ATF7IP: variants seen among roughly 807,000 people sequenced by gnomAD.
ATF7IP encodes activating transcription factor 7 interacting protein.
A neutral mutation model predicts 106.4 loss-of-function variants in ATF7IP; 23 were observed. The ratio of observed to expected loss-of-function variants is 0.22; its 90% CI spans 0.16 to 0.31. The LOEUF (loss-of-function observed/expected upper bound fraction) is 0.31. Ranked by LOEUF, ATF7IP falls within the 10% of genes least tolerant of loss-of-function variation. The pLI is 1.00. For missense variants in ATF7IP, 1,334 were observed against 1,524.3 expected, an observed-to-expected ratio of 0.88 and a Z score of 2.08; for synonymous variants, 542 against 539.0, an observed-to-expected ratio of 1.01 and a Z score of -0.08.
chr12:14,427,752 A>G (rs370008999), intron 2 of ATF7IP, among the ~76,000 whole-genome samples: 4 of 152,152 alleles, frequency 2.6e-5, no homozygotes, highest in African/African-American at 9.6e-5. Flanking sequence ...CACACCCCAT[A>G]ATTAGTCCAT....
At chr12:14,429,453 G>C (rs1942019925) in intron 2 of ATF7IP, among the ~76,000 whole-genome samples, 1 of 151,980 alleles carries the variant, frequency 6.6e-6, no homozygotes. Context: ...ATCTGTTTTA[G>C]AGTGAACTAG....
chr12:14,453,373 A>G (rs998942174), intron 6 of ATF7IP, among the ~76,000 whole-genome samples: 1 of 151,054 alleles, frequency 6.6e-6, no homozygotes, highest in African/African-American at 2.4e-5. Flanking sequence ...GCTTTTTTTC[A>G]TTCTCTTTTT....
In ATF7IP at chr12:14,468,896, AGTT is replaced by A. The variant is rs945077216; in HGVS notation, c.2862+2310_2862+2312del. 9.5e-4 allele frequency among the ~76,000 whole-genome samples: 144 copies of A among 152,310 alleles called. 1 individual carries two copies. The highest frequency in any genetic ancestry group is 8.6e-3 in the Admixed American group (132 of 15,298). ...ATTAATGTTACACTATTGACTAAGAAGTTGTTATCTTTTTACCCTAATGTGCAC... is the reference window on the plus strand; with the variant it reads ...ATTAATGTTACACTATTGACTAAGAAGTTATCTTTTTACCCTAATGTGCAC... On this transcript the variant is annotated intron_variant, in intron 10 of 14. Coordinates refer to ENST00000261168, the MANE Select transcript of ATF7IP (RefSeq NM_018179.5).
At chr12:14,434,246 T>G (rs151331582) in intron 2 of ATF7IP, 91 bp from the exon 3 acceptor site, 2 of 822,540 alleles carry the variant, frequency 2.4e-6, no homozygotes, top group African/African-American at 1.7e-5. Flanking sequence ...AAAGGTTGGT[T>G]TTGTAACTGG....
intron 8 of ATF7IP, 67 bp downstream of exon 8, chr12:14,457,362 A>C: frequency 8.4e-7 from 1 of 1,195,992 alleles, no homozygotes. Flanking sequence ...CTCTTTTCTT[A>C]CATTCTTTTG....
In ATF7IP at chr12:14,431,615, C is replaced by T. The variant is rs566474204; in HGVS notation, c.1559-2722C>T. On this transcript the variant is annotated intron_variant, in intron 2 of 14. Coordinates refer to ENST00000261168, the MANE Select transcript of ATF7IP (RefSeq NM_018179.5). Reference sequence around the variant, plus strand: ...TTCACCATGTTAGCCAGGATGGTCTCGATCTCCTGACCTTGTGATCCGCCC... The same window carrying T: ...TTCACCATGTTAGCCAGGATGGTCTTGATCTCCTGACCTTGTGATCCGCCC... 4.6e-5 allele frequency among the ~76,000 whole-genome samples: 7 copies of T among 151,890 alleles called. No homozygotes were observed. The East Asian group carries it at 7.7e-4, about 17-fold the overall frequency.
intron 1 of ATF7IP, among the ~76,000 whole-genome samples, chr12:14,383,420 T>C (rs1939079894): frequency 6.6e-6 from 1 of 152,210 alleles, no homozygotes; most frequent in Non-Finnish European, 1.5e-5. Context: ...AAGAAAGTGT[T>C]CATTAGGCAG....
At chr12:14,468,995 A>T (rs79159302) in intron 10 of ATF7IP, among the ~76,000 whole-genome samples, 2,359 of 152,278 alleles carry the variant, frequency 0.015, 24 homozygotes, top group Non-Finnish European at 0.019. Flanking sequence ...TTTTAAGTAC[A>T]ATTGGCTAAC....
intron 2 of ATF7IP, among the ~76,000 whole-genome samples, chr12:14,431,198 A>G (rs147383281): frequency 2.4e-4 from 37 of 152,240 alleles, no homozygotes; most frequent in African/African-American, 8.4e-4. Context: ...CTATTTCTCA[A>G]AGTGTTTGGG....
intron 10 of ATF7IP, 91 bp from the exon 11 acceptor site, chr12:14,475,799 T>A: frequency 1.1e-6 from 1 of 931,564 alleles, no homozygotes; most frequent in Non-Finnish European, 1.6e-6. Flanking sequence ...GGTTACTCAT[T>A]AGTCTCATTT....
intron 1 of ATF7IP, among the ~76,000 whole-genome samples, chr12:14,390,389 A>G (rs1939479191): frequency 6.6e-6 from 1 of 152,230 alleles, no homozygotes; most frequent in African/African-American, 2.4e-5. Flanking sequence ...ACAACAAGTA[A>G]CGATTGAAAG....
At position 14,501,284 on chromosome 12, in the gene ATF7IP, A is replaced by G. The variant is rs1224540616; in HGVS notation, c.*3211A>G. 3 of 152,212 alleles carry G rather than the reference A, an allele frequency of 2.0e-5. No homozygotes were observed. The highest frequency in any genetic ancestry group is 3.8e-4 in the East Asian group (2 of 5,198). The allele number at this position is 152,212 out of a possible 1,614,324, so 9.4% of individuals were successfully genotyped here. ...AGTTTGCTACATTTTTAGCCTGGCA[A>G]TATTTGTGTAGGTATTGCCTTATTG... is the stretch of plus-strand genomic sequence containing the variant. On this transcript the variant is annotated 3_prime_UTR_variant, in exon 15 of 15. Coordinates refer to ENST00000261168, the MANE Select transcript of ATF7IP (RefSeq NM_018179.5).
chr12:14,432,759 A>G (rs952231751), intron 2 of ATF7IP, among the ~76,000 whole-genome samples: 2 of 152,210 alleles, frequency 1.3e-5, no homozygotes, highest in African/African-American at 4.8e-5. Flanking sequence ...TTTATATAGC[A>G]TAATATACTT....
chr12:14,420,652 A>G (rs1271150674), intron 1 of ATF7IP, among the ~76,000 whole-genome samples: 1 of 152,062 alleles, frequency 6.6e-6, no homozygotes, highest in Admixed American at 6.5e-5. Flanking sequence ...AAATAAAGAA[A>G]TAGCCATCAC....
chr12:14,494,740 C>T (rs1205116918), intron 13 of ATF7IP, among the ~76,000 whole-genome samples: 1 of 151,214 alleles, frequency 6.6e-6, no homozygotes, highest in Non-Finnish European at 1.5e-5. Context: ...CGAGATGAGC[C>T]TGGCCAACAT....
intron 1 of ATF7IP, among the ~76,000 whole-genome samples, chr12:14,400,568 G>A (rs1018495619): frequency 1.3e-5 from 2 of 151,646 alleles, no homozygotes; most frequent in African/African-American, 4.9e-5. Flanking sequence ...ATTTCTCAGA[G>A]ATTTTTTTTT....
In ATF7IP at chr12:14,502,669, A is replaced by G. The variant is rs984839606; in HGVS notation, c.*4596A>G. The G allele has an allele frequency of 4.6e-5, 7 of 152,108 alleles. No homozygotes were observed. Among genetic ancestry groups the G allele is most frequent in the African/African-American group, 1.7e-4 (7 of 41,432 alleles). The allele number at this position is 152,108 out of a possible 1,614,324, so 9.4% of individuals were successfully genotyped here. On this transcript the variant is annotated 3_prime_UTR_variant, in exon 15 of 15. Transcript: ENST00000261168. The stretch of plus-strand genomic sequence containing the variant: ...TCCTTTGTAAGAAACTTGCATCCTA[A>G]TTTTTCTTTATTGCAATTGAAAGTG...
chr12:14,387,505 G>C (rs978762985), intron 1 of ATF7IP, among the ~76,000 whole-genome samples: 4 of 151,978 alleles, frequency 2.6e-5, no homozygotes, highest in Non-Finnish European at 4.4e-5. Flanking sequence ...TGGGATCTTA[G>C]GGAAATTTTA....
chr12:14,434,815 G>C (rs1456458941), intron 3 of ATF7IP, among the ~76,000 whole-genome samples: 1 of 152,196 alleles, frequency 6.6e-6, no homozygotes, highest in Non-Finnish European at 1.5e-5. Context: ...GCCAGATGTA[G>C]TGGCTCACCC....
Sources: gnomAD v4.1 joint callset for allele counts (sites outside exome capture counted in the v4.1 genomes callset) on GRCh38, gnomAD v4.1.1 for gene constraint, MANE v1.5 for transcripts, NCBI Gene and HGNC (gene_info 2026-07-23, HGNC 2026-07-21) for gene names.